The following RNGTT variants were observed in gnomAD, a reference collection of about 807,000 sequenced individuals.
RNGTT encodes mRNA-capping enzyme.
In RNGTT, 33 loss-of-function variants were observed where a neutral mutation model predicts 79.3. The observed-to-expected ratio is 0.42, with a 90% CI of 0.32 to 0.56. The LOEUF (loss-of-function observed/expected upper bound fraction) is 0.56. Ranked by LOEUF, RNGTT falls within the 20% of genes least tolerant of loss-of-function variation. The pLI, the probability that RNGTT is intolerant of heterozygous loss-of-function variation, is 0.17. For missense variants in RNGTT, 497 were observed against 739.1 expected, an observed-to-expected ratio of 0.67 and a Z score of 3.80; for synonymous variants, 222 against 235.9, an observed-to-expected ratio of 0.94 and a Z score of 0.54.
chr6:88,857,086 T>G (rs1781867759), intron 8 of RNGTT, among the ~76,000 whole-genome samples: 1 of 152,116 alleles, frequency 6.6e-6, no homozygotes, highest in Non-Finnish European at 1.5e-5. Flanking sequence ...ATAGACTACT[T>G]TACTGTAAAT....
chr6:88,941,227 A>C (rs778818533), intron 1 of RNGTT, 47 bp from the exon 2 acceptor site: 4 of 1,241,496 alleles, frequency 3.2e-6, no homozygotes, highest in Non-Finnish European at 4.6e-6. Context: ...GAAATGTTTC[A>C]GATTAAAATT....
At chr6:88,696,745 T>G (rs983627102) in intron 13 of RNGTT, among the ~76,000 whole-genome samples, 2 of 152,094 alleles carry the variant, frequency 1.3e-5, no homozygotes, top group African/African-American at 4.8e-5. Flanking sequence ...GTGTAAAGAG[T>G]TTCTTTTTTT....
intron 13 of RNGTT, among the ~76,000 whole-genome samples, chr6:88,707,369 C>T (rs1270268514): frequency 8.4e-6 from 1 of 119,760 alleles, no homozygotes; most frequent in Admixed American, 1.1e-4. Flanking sequence ...AAATCACATG[C>T]AATTTGGAGT....
chr6:88,661,808 T>C (rs932595527), intron 14 of RNGTT, among the ~76,000 whole-genome samples: 20 of 152,170 alleles, frequency 1.3e-4, no homozygotes, highest in Admixed American at 1.2e-3. Flanking sequence ...CCTCCCTAAA[T>C]CATTCCCTGA....
chr6:88,617,073 T>A (rs1772257039), intron 14 of RNGTT, among the ~76,000 whole-genome samples: 1 of 152,138 alleles, frequency 6.6e-6, no homozygotes, highest in Non-Finnish European at 1.5e-5. Flanking sequence ...ATCGAGACCA[T>A]CCTGGCTAAC....
intron 13 of RNGTT, among the ~76,000 whole-genome samples, chr6:88,754,171 G>GC (rs1777929693): frequency 6.6e-6 from 1 of 152,146 alleles, no homozygotes; most frequent in South Asian, 2.1e-4. Flanking sequence ...CAAAATATCA[G>GC]CCTGTGAATC....
chr6:88,869,447 T>C (rs1230499203), intron 8 of RNGTT, among the ~76,000 whole-genome samples: 2 of 152,314 alleles, frequency 1.3e-5, no homozygotes, highest in Admixed American at 1.3e-4. Flanking sequence ...TTAATTTCAC[T>C]GAATCATGCT....
chr6:88,740,855 C>T (rs1356776055), intron 13 of RNGTT, among the ~76,000 whole-genome samples: 1 of 152,042 alleles, frequency 6.6e-6, no homozygotes, highest in Non-Finnish European at 1.5e-5. Context: ...AACAAACCTG[C>T]ACGTTCTGCA....
At chr6:88,673,289 T>G (rs1454211985) in intron 14 of RNGTT, among the ~76,000 whole-genome samples, 1 of 152,208 alleles carries the variant, frequency 6.6e-6, no homozygotes, top group Admixed American at 6.5e-5. Context: ...AAAGGTTATA[T>G]CTCATATTTA....
chr6:88,951,569 G>C (rs998157245), intron 1 of RNGTT, among the ~76,000 whole-genome samples: 2 of 152,148 alleles, frequency 1.3e-5, no homozygotes, highest in Admixed American at 1.3e-4. Flanking sequence ...AATTCCACGA[G>C]ACAGGCGAAA....
At chr6:88,756,394 A>T (rs887871934) in intron 13 of RNGTT, among the ~76,000 whole-genome samples, 6 of 152,092 alleles carry the variant, frequency 3.9e-5, no homozygotes, top group African/African-American at 1.4e-4. Context: ...AATCACTTGA[A>T]CCAGGGCGGC....
chr6:88,676,351 T>C (rs1774874788), intron 14 of RNGTT, among the ~76,000 whole-genome samples: 2 of 151,832 alleles, frequency 1.3e-5, no homozygotes, highest in African/African-American at 4.8e-5. Context: ...GAAAAAAATA[T>C]GTTTGAGAGT....
intron 14 of RNGTT, among the ~76,000 whole-genome samples, chr6:88,664,166 C>T (rs538871446): frequency 2.6e-5 from 4 of 152,122 alleles, no homozygotes; most frequent in East Asian, 3.9e-4. Flanking sequence ...AAGGCTAATG[C>T]GGTATAGGGA....
At chr6:88,943,902 A>G (rs921163541) in intron 1 of RNGTT, among the ~76,000 whole-genome samples, 3 of 152,128 alleles carry the variant, frequency 2.0e-5, no homozygotes, top group Non-Finnish European at 4.4e-5. Flanking sequence ...GAACTTAACC[A>G]CCTGACTTCT....
chr6:88,748,984 G>A (rs1456464246), intron 13 of RNGTT, among the ~76,000 whole-genome samples: 1 of 152,016 alleles, frequency 6.6e-6, no homozygotes, highest in African/African-American at 2.4e-5. Flanking sequence ...CCTTTCTTTT[G>A]GGGTAAGAAG....
intron 11 of RNGTT, among the ~76,000 whole-genome samples, chr6:88,802,588 C>T (rs1000016428): frequency 4.6e-5 from 7 of 152,124 alleles, no homozygotes; most frequent in Admixed American, 3.9e-4. Context: ...TAAAGACATA[C>T]CCGAGACTGG....
intron 8 of RNGTT, among the ~76,000 whole-genome samples, chr6:88,882,675 TAGGCCACA>T (rs2127928655): frequency 6.6e-6 from 1 of 152,344 alleles, no homozygotes; most frequent in Non-Finnish European, 1.5e-5. Flanking sequence ...AGGAGGTGAT[TAGGCCACA>T]AGGGCTCTGC....
chr6:88,773,469 A>T (rs1778767478), intron 12 of RNGTT, among the ~76,000 whole-genome samples: 1 of 151,264 alleles, frequency 6.6e-6, no homozygotes, highest in Non-Finnish European at 1.5e-5. Flanking sequence ...TTAAAGTATA[A>T]TAATAATAAA....
Position 88,676,643 on chromosome 6 carries a change from T to C in RNGTT, c.1506+1710A>G, listed in dbSNP as rs964450572. 5.9e-5 allele frequency among the ~76,000 whole-genome samples: 9 copies of C among 152,100 alleles called. No individual in the cohort carries two copies. In the East Asian group the frequency reaches 1.2e-3, roughly 20 times the overall value. On this transcript the variant is annotated intron_variant, in intron 14 of 15. Coordinates refer to ENST00000369485, the MANE Select transcript of RNGTT (RefSeq NM_003800.5). The stretch of plus-strand genomic sequence containing the variant: ...CTGTTAAGAGATGAAAAGACAACGA[T>C]AGCTGGGAGAAAATAACTGCAAATC...
Sources: gnomAD v4.1 joint callset for allele counts (sites outside exome capture counted in the v4.1 genomes callset) on GRCh38, gnomAD v4.1.1 for gene constraint, MANE v1.5 for transcripts, NCBI Gene and HGNC (gene_info 2026-07-23, HGNC 2026-07-21) for gene names.